Variants in RCSD1 observed in about 807,000 individuals in gnomAD.
The protein encoded by RCSD1 is capZ-interacting protein.
In RCSD1, 26 loss-of-function variants were observed where a neutral mutation model predicts 42.5. The ratio of observed to expected loss-of-function variants is 0.61; its 90% confidence interval spans 0.45 to 0.85. The LOEUF is 0.85. Ranked by LOEUF, RCSD1 falls within the 40% of genes least tolerant of loss-of-function variation. RCSD1 has a pLI of 0.00. For missense variants in RCSD1, 571 were observed against 528.3 expected (o/e 1.08, Z -0.79); for synonymous variants, 220 against 212.2 (o/e 1.04, Z -0.32).
intron 1 of RCSD1, among the ~76,000 whole-genome samples, chr1:167,683,699 C>T (rs886887433): frequency 1.3e-5 from 2 of 152,178 alleles, no homozygotes; most frequent in African/African-American, 2.4e-5. Context: ...CAAAGCCACA[C>T]CCCGGGCCAA....
chr1:167,648,980 G>A (rs1278311324), intron 1 of RCSD1, among the ~76,000 whole-genome samples: 1 of 152,214 alleles, frequency 6.6e-6, no homozygotes, highest in Non-Finnish European at 1.5e-5. Context: ...CCTGCCCTCA[G>A]GGAGGTTGCA....
intron 1 of RCSD1, among the ~76,000 whole-genome samples, chr1:167,645,191 G>T (rs1440435025): frequency 1.3e-4 from 20 of 152,214 alleles, no homozygotes; most frequent in Admixed American, 1.3e-3. Context: ...AGGATGGGAT[G>T]CTGGGCCAAA....
intron 1 of RCSD1, among the ~76,000 whole-genome samples, chr1:167,654,184 G>T (rs12405114): frequency 0.016 from 2,370 of 152,290 alleles, 71 homozygotes; most frequent in African/African-American, 0.051. Flanking sequence ...TTACTGTTTG[G>T]TGAAAGGGCC....
intron 4 of RCSD1, among the ~76,000 whole-genome samples, chr1:167,691,989 C>T (rs1050559070): frequency 2.6e-5 from 4 of 152,188 alleles, no homozygotes; most frequent in African/African-American, 9.7e-5. Flanking sequence ...CACCCTAGCC[C>T]TCATTCAAGT....
chr1:167,675,826 A>T lies in RCSD1; in HGVS notation c.7-8074A>T, dbSNP rs556317899. 3.2e-4 allele frequency among the ~76,000 whole-genome samples: 49 copies of T among 152,314 alleles called. 1 individual carries two copies. Among genetic ancestry groups the T allele is most frequent in the Admixed American group, 2.5e-3 (39 of 15,304 alleles). On this transcript the variant is annotated intron_variant, in intron 1 of 6. Coordinates refer to ENST00000367854, the MANE Select transcript of RCSD1 (RefSeq NM_052862.4). ...CAAAATCGCTGAGTCCAGATGGTCC[A>T]TTCTTGAGCAAAGAATGGCTGCAAG...
At chr1:167,635,376 A>G (rs1203021686) in intron 1 of RCSD1, among the ~76,000 whole-genome samples, 1 of 152,114 alleles carries the variant, frequency 6.6e-6, no homozygotes, top group Non-Finnish European at 1.5e-5. Context: ...CTCAGCAGAC[A>G]TCTTCCATTT....
rs1443463640 is a variant in RCSD1 at position 167,708,238 on chromosome 1, G to A, written c.*3542G>A. 6.6e-6 allele frequency among the ~76,000 whole-genome samples: 1 copy of A among 152,208 alleles called. No individual in the cohort carries two copies. Among genetic ancestry groups the A allele is most frequent in the African/African-American group, 2.4e-5 (1 of 41,454 alleles). On this transcript the variant is annotated 3_prime_UTR_variant, in exon 7 of 7. Transcript: ENST00000367854. Reference sequence around the variant, plus strand: ...CAAGGCTTGCAAAGGTGAGCAAGAAGATTCCCCAAAGTGAAATCAGGGTGC... The same window carrying A: ...CAAGGCTTGCAAAGGTGAGCAAGAAAATTCCCCAAAGTGAAATCAGGGTGC...
chr1:167,663,084 C>G (rs1326895722), intron 1 of RCSD1, among the ~76,000 whole-genome samples: 1 of 152,180 alleles, frequency 6.6e-6, no homozygotes, highest in Non-Finnish European at 1.5e-5. Flanking sequence ...AGTGGCCTCG[C>G]CTGCCTCCCA....
intron 1 of RCSD1, among the ~76,000 whole-genome samples, chr1:167,659,221 T>C (rs955205940): frequency 2.6e-5 from 4 of 152,222 alleles, no homozygotes; most frequent in African/African-American, 9.6e-5. Context: ...TTCTATGAAT[T>C]GCCTATTTAT....
chr1:167,654,347 T>C (rs141377024), intron 1 of RCSD1, among the ~76,000 whole-genome samples: 696 of 152,202 alleles, frequency 4.6e-3, no homozygotes, highest in Non-Finnish European at 6.9e-3. Flanking sequence ...TTATATACCA[T>C]AGGGAAAGGG....
chr1:167,664,228 A>C (rs372331024), intron 1 of RCSD1: 1 of 152,270 alleles, frequency 6.6e-6, no homozygotes, highest in Non-Finnish European at 1.5e-5. Flanking sequence ...TGTCTCCACT[A>C]TCTTGCTGCA....
At chr1:167,678,711 C>T (rs1390581934) in intron 1 of RCSD1, among the ~76,000 whole-genome samples, 1 of 152,166 alleles carries the variant, frequency 6.6e-6, no homozygotes, top group African/African-American at 2.4e-5. Flanking sequence ...TGACATCCTG[C>T]TGGTTCAAGA....
chr1:167,696,952 A>G (rs1659510440), intron 5 of RCSD1, 147 bp from the exon 6 acceptor site: 1 of 694,876 alleles, frequency 1.4e-6, no homozygotes, highest in Non-Finnish European at 2.3e-6. Context: ...TAAATAGCAA[A>G]CAATGATTCG....
chr1:167,648,057 A>G (rs984252050), intron 1 of RCSD1, among the ~76,000 whole-genome samples: 3 of 152,222 alleles, frequency 2.0e-5, no homozygotes, highest in African/African-American at 4.8e-5. Context: ...AGCCAAATGC[A>G]TAATTCTTAC....
intron 1 of RCSD1, among the ~76,000 whole-genome samples, chr1:167,649,419 A>G (rs2102205293): frequency 6.6e-6 from 1 of 152,348 alleles, no homozygotes; most frequent in Middle Eastern, 3.4e-3. Context: ...TATAACAAGC[A>G]TACTTTTCGC....
chr1:167,661,509 G>A (rs967193894), intron 1 of RCSD1, among the ~76,000 whole-genome samples: 2 of 152,224 alleles, frequency 1.3e-5, no homozygotes, highest in African/African-American at 4.8e-5. Context: ...GGATCTAGAA[G>A]GTCCTTTTGC....
chr1:167,667,922 A>T, intron 1 of RCSD1, among the ~76,000 whole-genome samples: 1 of 152,174 alleles, frequency 6.6e-6, no homozygotes, highest in East Asian at 1.9e-4. Flanking sequence ...TAGGGGATGG[A>T]GCCATGAATA....
intron 1 of RCSD1, among the ~76,000 whole-genome samples, chr1:167,647,343 C>T (rs934338334): frequency 1.1e-4 from 16 of 151,558 alleles, no homozygotes; most frequent in Admixed American, 9.9e-4. Flanking sequence ...AATCTCAGCA[C>T]TTTGAAGGCT....
At chr1:167,665,133 C>T (rs1325747909) in intron 1 of RCSD1, 1 of 152,076 alleles carries the variant, frequency 6.6e-6, no homozygotes, top group Non-Finnish European at 1.5e-5. Context: ...CCTGCCCCCA[C>T]CACTGGTCCC....
Sources: gnomAD v4.1 joint callset for allele counts (sites outside exome capture counted in the v4.1 genomes callset) on GRCh38, gnomAD v4.1.1 for gene constraint, MANE v1.5 for transcripts, NCBI Gene and HGNC (gene_info 2026-07-23, HGNC 2026-07-21) for gene names.